The following ANGPTL2 variants were observed in gnomAD, a reference collection of about 807,000 sequenced individuals.
ANGPTL2 encodes the protein angiopoietin like 2.
In ANGPTL2, 25 loss-of-function variants were observed where a neutral mutation model predicts 52.8. The ratio of observed to expected loss-of-function variants is 0.47; its 90% confidence interval spans 0.35 to 0.66. The LOEUF is 0.66. ANGPTL2 is among the 30% of genes least tolerant of loss of function. The pLI, the probability that ANGPTL2 is intolerant of heterozygous loss-of-function variation, is 0.01. For synonymous variants in ANGPTL2, 276 were observed against 277.4 expected, an observed-to-expected ratio of 1.00 and a Z score of 0.05; for missense variants, 546 against 656.9, an observed-to-expected ratio of 0.83 and a Z score of 1.84.
rs2054445916 is a variant in ANGPTL2, at chr9:127,108,319, T to G, written c.413A>C (p.Tyr138Ser). 2 of 1,613,574 alleles carry G rather than the reference T, an allele frequency of 1.2e-6. No homozygotes were observed. Among genetic ancestry groups the G allele is most frequent in the African/African-American group, 2.7e-5 (2 of 74,792 alleles). ...GATGATCTCGTGCAGGAGCTGCATG[T>G]AGAGCTGCGTGACCCGCGAGTTCAT... ...RNMNSRVTQLYMQLLHEIIRK... is the reference protein window; with the variant it reads ...RNMNSRVTQLSMQLLHEIIRK... Residue 138 changes from tyrosine to serine, a missense_variant, in exon 2 of 5, where the codon TAC becomes TCC. Around this residue, in one of 2 missense-constraint regions of ANGPTL2, gnomAD observed 285 missense variants for 295.8 expected, o/e 0.96. Transcript: ENST00000373425.
At chr9:127,117,621 T>C (rs1361640285) in intron 1 of ANGPTL2, among the ~76,000 whole-genome samples, 1 of 152,218 alleles carries the variant, frequency 6.6e-6, no homozygotes, top group Non-Finnish European at 1.5e-5. Context: ...AGCCCTTGGC[T>C]GGACAACAGA....
chr9:127,103,090 A>G (rs542838042), intron 2 of ANGPTL2, among the ~76,000 whole-genome samples: 52 of 152,364 alleles, frequency 3.4e-4, no homozygotes, highest in Admixed American at 9.8e-4. Context: ...CCAGCCACAC[A>G]TGGGTTGACA....
chr9:127,116,907 AAC>A (rs1479840072), intron 1 of ANGPTL2, among the ~76,000 whole-genome samples: 27 of 152,168 alleles, frequency 1.8e-4, no homozygotes, highest in South Asian at 6.2e-4. Flanking sequence ...TGGGCCCAGT[AAC>A]AGATTTGTCT....
At chr9:127,095,595 G>T (rs2053042422) in intron 2 of ANGPTL2, among the ~76,000 whole-genome samples, 1 of 152,188 alleles carries the variant, frequency 6.6e-6, no homozygotes, top group African/African-American at 2.4e-5. Context: ...GCCCTGCAAG[G>T]GAGGAGCTGA....
Position 127,107,956 on chromosome 9 carries a change from G to A in ANGPTL2, c.776C>T (p.Pro259Leu), listed in dbSNP as rs2054383861. The part of the protein sequence containing the change: ...KVLPPPLPTM[P>L]TLTSLPSSTD... ...GGAAGATGGGAGGCTGGTGAGAGTG[G>A]GCATAGTGGGCAGAGGGGGTGGCAG... is the stretch of plus-strand genomic sequence containing the variant. Residue 259 changes from proline to leucine, a missense_variant, in exon 2 of 5, where the codon CCC (proline) becomes CTC (leucine). Coordinates refer to ENST00000373425, the MANE Select transcript of ANGPTL2 (RefSeq NM_012098.3). The A allele has an allele frequency of 6.4e-7, 1 of 1,557,422 alleles. No individual in the cohort carries two copies. The highest frequency in any genetic ancestry group is 1.2e-5 in the South Asian group (1 of 82,058).
intron 3 of ANGPTL2, 112 bp from the exon 4 acceptor site, chr9:127,092,052 A>G (rs926139653): frequency 2.9e-6 from 4 of 1,360,278 alleles, no homozygotes; most frequent in Non-Finnish European, 4.0e-6. Flanking sequence ...CAAGCAGAGC[A>G]TGAAGCAGAC....
chr9:127,111,758 A>T (rs1290437008), intron 1 of ANGPTL2, among the ~76,000 whole-genome samples: 2 of 152,202 alleles, frequency 1.3e-5, no homozygotes, highest in Non-Finnish European at 2.9e-5. Flanking sequence ...GGAAACTGAG[A>T]CTCAGTGAGG....
At chr9:127,110,017 A>G (rs2054636708) in intron 1 of ANGPTL2, among the ~76,000 whole-genome samples, 1 of 152,224 alleles carries the variant, frequency 6.6e-6, no homozygotes, top group African/African-American at 2.4e-5. Flanking sequence ...TCCTATAATC[A>G]TACGGTTTTT....
chr9:127,108,113 C>G lies in ANGPTL2; in HGVS notation c.619G>C (p.Val207Leu), dbSNP rs779672736. ...IAQLEEHCQR[V>L]PSARPVPQPP... ...TGGGGGACGGGCCTGGCCGAGGGCACCCTCTGGCAGTGCTCCTCAAGCTGC... is the reference window on the plus strand; with the variant it reads ...TGGGGGACGGGCCTGGCCGAGGGCAGCCTCTGGCAGTGCTCCTCAAGCTGC... The change falls in exon 2 of 5, where the codon GTG becomes CTG. Residue 207 changes from valine (V) to leucine (L), a missense_variant. Physicochemically the swap from Val to Leu is conservative, Grantham distance 32 (BLOSUM62 1). Transcript: ENST00000373425. 25 of 1,613,118 alleles carry G rather than the reference C, an allele frequency of 1.5e-5. No homozygotes were observed. Among genetic ancestry groups the G allele is most frequent in the Non-Finnish European group, 2.0e-5 (24 of 1,179,534 alleles).
At position 127,098,773 on chromosome 9, in the gene ANGPTL2, C is replaced by G. The variant is rs537511486; in HGVS notation, c.818-4847G>C. On this transcript the variant is annotated intron_variant, in intron 2 of 4. Coordinates refer to ENST00000373425, the MANE Select transcript of ANGPTL2 (RefSeq NM_012098.3). ...ATGGCTGATACAGTGCTTGCTACTCCCAACACAGGGCCTTTCTGGTCAAGC... is the reference window on the plus strand; with the variant it reads ...ATGGCTGATACAGTGCTTGCTACTCGCAACACAGGGCCTTTCTGGTCAAGC... Among the ~76,000 whole-genome samples the G allele has an allele frequency of 3.3e-5, 5 of 152,228 alleles. No homozygotes were observed. In the East Asian group the frequency reaches 9.7e-4, roughly 29 times the overall value.
intron 1 of ANGPTL2, 85 bp from the exon 2 acceptor site, chr9:127,108,865 G>T: frequency 3.0e-6 from 3 of 1,009,390 alleles, no homozygotes; most frequent in Non-Finnish European, 2.8e-6. Flanking sequence ...CTTCTCGCCA[G>T]GCAGGCAGAG....
At position 127,091,707 on chromosome 9, in the gene ANGPTL2, C is replaced by T. The variant is rs2052496791; in HGVS notation, c.1245G>A (p.Gln415=). 6.2e-7 allele frequency: 1 copy of T among 1,613,870 alleles called. No homozygotes were observed. Among genetic ancestry groups the T allele is most frequent in the African/African-American group, 1.3e-5 (1 of 74,886 alleles). The change falls in exon 4 of 5, where the codon CAG becomes CAA. Residue 415 remains glutamine (Q), a synonymous_variant. Coordinates refer to ENST00000373425, the MANE Select transcript of ANGPTL2 (RefSeq NM_012098.3). The surrounding 1 kb of genome is among the most constrained non-coding windows in gnomAD (Gnocchi z 4.3). The part of the protein sequence containing the change: ...GDSFTWHNGK[Q]FTTLDRDHDV... The stretch of plus-strand genomic sequence containing the variant: ...CATGATCTCTGTCCAGGGTGGTGAA[C>T]TGCTTGCCGTTGTGCCATGTAAAGG...
In ANGPTL2 at chr9:127,091,539, G is replaced by C; in HGVS notation, c.1282+131C>G. ...AGGGACCCTCAGGGGGTGGTAACAG[G>C]GTCAGGCAGCTTGGCCCAGCTGCTT... On this transcript the variant is annotated intron_variant, in intron 4 of 4. Transcript: ENST00000373425. The surrounding 1 kb of genome is among the most constrained non-coding windows in gnomAD (Gnocchi z 4.3). 13 of 1,285,112 alleles carry C rather than the reference G, an allele frequency of 1.0e-5. No homozygotes were observed. Among genetic ancestry groups the C allele is most frequent in the Non-Finnish European group, 1.3e-5 (12 of 933,758 alleles). The allele number at this position is 1,285,112 out of a possible 1,614,324, so 79.6% of individuals were successfully genotyped here.
chr9:127,090,297 G>C (rs1239189422), intron 4 of ANGPTL2, among the ~76,000 whole-genome samples: 1 of 152,272 alleles, frequency 6.6e-6, no homozygotes, highest in Non-Finnish European at 1.5e-5. Flanking sequence ...TCCCTAAGGA[G>C]GTGGCCCTCC....
chr9:127,104,924 T>C (rs1461776379), intron 2 of ANGPTL2, among the ~76,000 whole-genome samples: 1 of 152,236 alleles, frequency 6.6e-6, no homozygotes, highest in Non-Finnish European at 1.5e-5. Flanking sequence ...GATAAGAACC[T>C]GCCCCAAGCT....
intron 2 of ANGPTL2, among the ~76,000 whole-genome samples, chr9:127,097,326 G>A (rs1041756081): frequency 3.3e-5 from 5 of 152,166 alleles, no homozygotes; most frequent in Non-Finnish European, 5.9e-5. Context: ...TAATCGAGTA[G>A]GTATCAAATT....
At chr9:127,110,506 A>C (rs1275987388) in intron 1 of ANGPTL2, among the ~76,000 whole-genome samples, 1 of 152,204 alleles carries the variant, frequency 6.6e-6, no homozygotes, top group African/African-American at 2.4e-5. Context: ...ATCACCCTCA[A>C]GTACTGATTA....
At chr9:127,090,788 G>A (rs567410048) in intron 4 of ANGPTL2, among the ~76,000 whole-genome samples, 170 of 152,344 alleles carry the variant, frequency 1.1e-3, no homozygotes, top group Middle Eastern at 3.4e-3. Flanking sequence ...GGTGGTGCCA[G>A]CCTCAGGGAG....
At chr9:127,120,771 T>C (rs954403339) in intron 1 of ANGPTL2, among the ~76,000 whole-genome samples, 1 of 150,054 alleles carries the variant, frequency 6.7e-6, no homozygotes, top group Non-Finnish European at 1.5e-5. Context: ...GAGTTTGCAG[T>C]GAGCCGAGAT....
Sources: allele counts gnomAD v4.1 joint callset (sites outside exome capture counted in the v4.1 genomes callset), GRCh38; gene constraint gnomAD v4.1.1; regional missense constraint gnomAD v4.1.1; non-coding constraint Gnocchi (gnomAD v3.1); transcripts MANE v1.5; gene names NCBI Gene and HGNC (gene_info 2026-07-23, HGNC 2026-07-21).